Variants in ENTPD1 observed in about 807,000 individuals in gnomAD.
ENTPD1 encodes ATP diphosphohydrolase.
Under a neutral mutation model 57.0 loss-of-function variants are expected in ENTPD1, and 33 were observed. That is an observed-to-expected ratio of 0.58 (90% CI 0.44 to 0.77). ENTPD1 has a LOEUF of 0.77. Ranked by LOEUF, ENTPD1 falls within the 30% of genes least tolerant of loss-of-function variation. The pLI is 0.00. For missense variants in ENTPD1, 501 were observed against 603.4 expected (o/e 0.83, Z 1.78); for synonymous variants, 202 against 218.8 (o/e 0.92, Z 0.68).
At position 95,870,414 on chromosome 10, in the gene ENTPD1, C is replaced by A; in HGVS notation, c.*4031C>A. 1 of 700,768 alleles carries A rather than the reference C, an allele frequency of 1.4e-6. No homozygotes were observed. The highest frequency in any genetic ancestry group is 1.8e-6 in the Non-Finnish European group (1 of 570,450). The allele number at this position is 700,768 out of a possible 1,614,324, so 43.4% of individuals were successfully genotyped here. On this transcript the variant is annotated 3_prime_UTR_variant, in exon 10 of 10. Coordinates refer to ENST00000371205, the MANE Select transcript of ENTPD1 (RefSeq NM_001776.6). ...AGGCTACAGGTGTGCACCTAAGTAG[C>A]TAGGACTACAGGTGTGCACCACCAT...
intron 7 of ENTPD1, among the ~76,000 whole-genome samples, chr10:95,859,970 G>A (rs2098462542): frequency 1.3e-5 from 2 of 152,180 alleles, no homozygotes; most frequent in South Asian, 2.1e-4. Flanking sequence ...TAGTAGACCT[G>A]TAATAAATAT....
Position 95,764,911 on chromosome 10 carries a change from G to A in ENTPD1, c.16+8656G>A, listed in dbSNP as rs4272738. ...CTAATTTTGTATTTTTAGTAGAGACGGGCTTTCACCATGTTGGCCAGGCTG... is the reference window on the plus strand; with the variant it reads ...CTAATTTTGTATTTTTAGTAGAGACAGGCTTTCACCATGTTGGCCAGGCTG... On this transcript the variant is annotated intron_variant, in intron 1 of 9. Transcript: ENST00000371205. Among the ~76,000 whole-genome samples the A allele has an allele frequency of 1.6e-3, 241 of 151,870 alleles. 3 individuals are homozygous for A. Among genetic ancestry groups the A allele is most frequent in the Admixed American group, 4.1e-3 (63 of 15,244 alleles).
At chr10:95,767,483 G>A (rs568494446) in intron 1 of ENTPD1, among the ~76,000 whole-genome samples, 17 of 151,914 alleles carry the variant, frequency 1.1e-4, no homozygotes, top group African/African-American at 2.9e-4. Context: ...TATTTAATTT[G>A]ATAATATTAT....
intron 1 of ENTPD1, among the ~76,000 whole-genome samples, chr10:95,792,950 C>A (rs2098211429): frequency 6.6e-6 from 1 of 152,158 alleles, no homozygotes; most frequent in Non-Finnish European, 1.5e-5. Flanking sequence ...ACTCATAGTA[C>A]CATACTTGTG....
At chr10:95,816,615 G>A (rs1256142921) in intron 1 of ENTPD1, among the ~76,000 whole-genome samples, 2 of 152,102 alleles carry the variant, frequency 1.3e-5, no homozygotes, top group Non-Finnish European at 2.9e-5. Context: ...GGTGGAGATT[G>A]GAGTGATGCA....
intron 1 of ENTPD1, among the ~76,000 whole-genome samples, chr10:95,732,002 T>C (rs752918149): frequency 7.9e-5 from 12 of 151,820 alleles, no homozygotes; most frequent in Non-Finnish European, 1.5e-4. Context: ...AGGTTGACCT[T>C]GAACTCCTGA....
intron 1 of ENTPD1, among the ~76,000 whole-genome samples, chr10:95,815,526 G>T (rs1338777747): frequency 1.3e-5 from 2 of 152,158 alleles, no homozygotes. Context: ...TAATGAGATT[G>T]GCTACCACAT....
intron 2 of ENTPD1, among the ~76,000 whole-genome samples, chr10:95,828,582 A>AT (rs2140640817): frequency 6.6e-6 from 1 of 152,314 alleles, no homozygotes; most frequent in South Asian, 2.1e-4. Flanking sequence ...TAAAGGGTGA[A>AT]TAGGGAAAGA....
chr10:95,865,557 CAA>C (rs1033173913), intron 9 of ENTPD1, among the ~76,000 whole-genome samples: 22 of 152,200 alleles, frequency 1.4e-4, no homozygotes, highest in African/African-American at 5.1e-4. Flanking sequence ...TCAAGCAAAA[CAA>C]AGCATTGAGA....
At position 95,873,207 on chromosome 10, in the gene ENTPD1, G is replaced by A. The variant is rs1030529377; in HGVS notation, c.*6824G>A. 3 of 985,280 alleles carry A rather than the reference G, an allele frequency of 3.0e-6. No individual in the cohort carries two copies. The highest frequency in any genetic ancestry group is 2.3e-4 in the East Asian group (2 of 8,836). 61.0% of individuals were successfully genotyped at this position (985,280 alleles called of 1,614,324 possible). A position where few individuals can be genotyped will look rare whatever the true frequency, so the allele number is the denominator to read the frequency against. ...CTAGATGACATTATCATTCCAAAGA[G>A]TTTCTTTTACAGGCTCTCAGATCAG... On this transcript the variant is annotated 3_prime_UTR_variant, in exon 10 of 10. Transcript: ENST00000371205.
chr10:95,717,735 G>A (rs982133025), intron 1 of ENTPD1, among the ~76,000 whole-genome samples: 2 of 152,274 alleles, frequency 1.3e-5, no homozygotes, highest in East Asian at 1.9e-4. Flanking sequence ...GAGGTTGGCC[G>A]ACAACCGCTC....
intron 1 of ENTPD1, among the ~76,000 whole-genome samples, chr10:95,715,420 C>T (rs2097970423): frequency 6.6e-6 from 1 of 152,034 alleles, no homozygotes; most frequent in African/African-American, 2.4e-5. Flanking sequence ...TGCTATTCAA[C>T]CTACTGTATA....
intron 1 of ENTPD1, among the ~76,000 whole-genome samples, chr10:95,737,911 G>GA (rs1161580621): frequency 1.3e-5 from 2 of 152,150 alleles, no homozygotes; most frequent in Non-Finnish European, 2.9e-5. Context: ...AAATTAGCTG[G>GA]AAAAATGTTT....
Position 95,844,069 on chromosome 10 carries a change from G to C in ENTPD1, c.414-407G>C, listed in dbSNP as rs566456528. 3.3e-5 allele frequency among the ~76,000 whole-genome samples: 5 copies of C among 152,254 alleles called. No homozygotes were observed. In the South Asian group the frequency reaches 1.0e-3, roughly 32 times the overall value. ...AATTAAAAACCTGGAGCAGAGTCTG[G>C]CCATGTAACCAGCTAGGAGCCACCC... On this transcript the variant is annotated intron_variant, in intron 4 of 9. Coordinates refer to ENST00000371205, the MANE Select transcript of ENTPD1 (RefSeq NM_001776.6).
At chr10:95,849,633 A>G (rs2098441417) in intron 7 of ENTPD1, among the ~76,000 whole-genome samples, 1 of 152,266 alleles carries the variant, frequency 6.6e-6, no homozygotes, top group South Asian at 2.1e-4. Context: ...CCATAGATCC[A>G]GACTTACCTT....
intron 1 of ENTPD1, among the ~76,000 whole-genome samples, chr10:95,795,368 G>A (rs912746968): frequency 1.3e-5 from 2 of 152,116 alleles, no homozygotes; most frequent in Admixed American, 1.3e-4. Flanking sequence ...TGAATATTGA[G>A]TTATAGAAAG....
intron 7 of ENTPD1, among the ~76,000 whole-genome samples, chr10:95,849,534 G>A (rs1288741167): frequency 6.6e-6 from 1 of 152,172 alleles, no homozygotes; most frequent in Non-Finnish European, 1.5e-5. Context: ...CATAGGCACT[G>A]TCGTAATCAG....
chr10:95,844,706 T>TG, intron 5 of ENTPD1, 71 bp downstream of exon 5: 1 of 1,580,952 alleles, frequency 6.3e-7, no homozygotes, highest in Non-Finnish European at 8.7e-7. Context: ...AGGCAGTACT[T>TG]GGGTCGCTAG....
At position 95,785,781 on chromosome 10, in the gene ENTPD1, G is replaced by A. The variant is rs762126896; in HGVS notation, c.16+29526G>A. 2.6e-5 allele frequency among the ~76,000 whole-genome samples: 4 copies of A among 152,190 alleles called. No homozygotes were observed. The East Asian group carries it at 5.8e-4, about 22-fold the overall frequency. ...CTGTGCTTACCATTTGTGTGACCAC[G>A]AATATGTTATCAAACTTTTGGACCC... On this transcript the variant is annotated intron_variant, in intron 1 of 9. Transcript: ENST00000371205.
Sources: gnomAD v4.1 joint callset for allele counts (sites outside exome capture counted in the v4.1 genomes callset) on GRCh38, gnomAD v4.1.1 for gene constraint, MANE v1.5 for transcripts, NCBI Gene and HGNC (gene_info 2026-07-23, HGNC 2026-07-21) for gene names.